LMO7: variants seen among roughly 807,000 people sequenced by gnomAD.
LMO7 encodes LIM domain 7, also known as LIM domain only protein 7.
Under a neutral mutation model 206.5 loss-of-function variants are expected in LMO7, and 120 were observed. The observed-to-expected ratio is 0.58, with a 90% CI of 0.50 to 0.68. LMO7 has a LOEUF of 0.68. Among genes scored for constraint, LMO7 ranks in the 30% least tolerant of loss-of-function variants. The probability of loss-of-function intolerance (pLI) is 0.00; values close to 1 mark genes in which losing one functional copy is unlikely to be tolerated. For synonymous variants in LMO7, 706 were observed against 681.5 expected (o/e 1.04, Z -0.56); for missense variants, 1,959 against 1,957.9 (o/e 1.00, Z -0.01).
intron 1 of LMO7, among the ~76,000 whole-genome samples, chr13:75,647,952 T>TTTCTTTC (rs1491543234): frequency 4.7e-3 from 25 of 5,318 alleles, no homozygotes; most frequent in Admixed American, 9.1e-3. Flanking sequence ...CTTTTCTTTC[T>TTTCTTTC]TTTTTTTTTT....
intron 1 of LMO7, among the ~76,000 whole-genome samples, chr13:75,667,577 ATT>A (rs1428702422): frequency 2.0e-5 from 3 of 150,700 alleles, no homozygotes; most frequent in African/African-American, 7.3e-5. Context: ...TAGCCACTTT[ATT>A]TTTCAGTTCT....
intron 1 of LMO7, among the ~76,000 whole-genome samples, chr13:75,704,086 G>A (rs1566328030): frequency 2.0e-5 from 3 of 152,168 alleles, no homozygotes; most frequent in East Asian, 1.9e-4. Flanking sequence ...TTTAATGAAC[G>A]GAGTAAAGAA....
chr13:75,704,536 T>C (rs2042515262), intron 1 of LMO7, among the ~76,000 whole-genome samples: 1 of 152,184 alleles, frequency 6.6e-6, no homozygotes, highest in Admixed American at 6.5e-5. Context: ...ATGTTTTTCT[T>C]TTTGCACAGG....
intron 1 of LMO7, among the ~76,000 whole-genome samples, chr13:75,680,875 T>G (rs2040425732): frequency 1.3e-5 from 2 of 152,210 alleles, no homozygotes; most frequent in Admixed American, 1.3e-4. Context: ...CCATTTTGAC[T>G]GGTATCTCAT....
intron 15 of LMO7, among the ~76,000 whole-genome samples, chr13:75,824,424 A>G (rs140260391): frequency 1.8e-4 from 27 of 152,292 alleles, no homozygotes; most frequent in African/African-American, 5.8e-4. Context: ...AAATGGGACT[A>G]TTGAGGCTTG....
At chr13:75,809,871 G>T (rs960933103) in intron 11 of LMO7, among the ~76,000 whole-genome samples, 3 of 129,568 alleles carry the variant, frequency 2.3e-5, no homozygotes, top group Non-Finnish European at 4.6e-5. Context: ...TCGCTCTGTC[G>T]CCCAGGCTGG....
At chr13:75,671,666 T>C (rs1340530496) in intron 1 of LMO7, among the ~76,000 whole-genome samples, 1 of 152,244 alleles carries the variant, frequency 6.6e-6, no homozygotes, top group Non-Finnish European at 1.5e-5. Context: ...AAATGAGAGC[T>C]AATTCTCCAA....
At chr13:75,788,245 G>A (rs1444463020) in intron 4 of LMO7, among the ~76,000 whole-genome samples, 2 of 151,962 alleles carry the variant, frequency 1.3e-5, no homozygotes, top group African/African-American at 2.4e-5. Context: ...TAAAAATGAG[G>A]TCAGGAGTTT....
intron 20 of LMO7, among the ~76,000 whole-genome samples, chr13:75,838,646 A>G (rs763852809): frequency 6.3e-4 from 96 of 152,182 alleles, no homozygotes; most frequent in Non-Finnish European, 5.1e-4. Context: ...AACACTGTTA[A>G]TAAAGAAGAG....
intron 15 of LMO7, among the ~76,000 whole-genome samples, chr13:75,828,953 C>G (rs576140234): frequency 1.3e-5 from 2 of 151,892 alleles, no homozygotes; most frequent in African/African-American, 2.4e-5. Flanking sequence ...AAAGAGGCCT[C>G]GAAGGAATCC....
chr13:75,785,534 A>T (rs776092293), intron 4 of LMO7, among the ~76,000 whole-genome samples: 17 of 152,182 alleles, frequency 1.1e-4, no homozygotes, highest in Admixed American at 3.9e-4. Context: ...CAACTAGAAA[A>T]CACTTCATTA....
chr13:75,779,975 G>C (rs577043173), intron 4 of LMO7, among the ~76,000 whole-genome samples: 18 of 152,280 alleles, frequency 1.2e-4, no homozygotes, highest in African/African-American at 3.9e-4. Context: ...GATGCCCCCT[G>C]AGCCGCAAAA....
intron 3 of LMO7, among the ~76,000 whole-genome samples, chr13:75,759,784 G>A (rs1594773438): frequency 6.6e-6 from 1 of 152,132 alleles, no homozygotes; most frequent in Non-Finnish European, 1.5e-5. Context: ...AACCCAAGCT[G>A]TAGAATTTAG....
chr13:75,646,960 C>G (rs929040121), intron 1 of LMO7, among the ~76,000 whole-genome samples: 4 of 152,292 alleles, frequency 2.6e-5, no homozygotes, highest in African/African-American at 9.6e-5. Flanking sequence ...TACGTCTTAG[C>G]TTAAATGATA....
chr13:75,700,941 A>T (rs1375558897), intron 1 of LMO7, among the ~76,000 whole-genome samples: 1 of 152,222 alleles, frequency 6.6e-6, no homozygotes, highest in African/African-American at 2.4e-5. Flanking sequence ...ATGGAAGCAG[A>T]CCACTGTACT....
At chr13:75,843,501 C>T (rs1274762161) in intron 25 of LMO7, among the ~76,000 whole-genome samples, 3 of 152,128 alleles carry the variant, frequency 2.0e-5, no homozygotes, top group African/African-American at 7.2e-5. Context: ...CCAACATAAT[C>T]TTCATTTTAA....
At chr13:75,681,730 A>ATATATATATATATATATATATG (rs1161298283) in intron 1 of LMO7, among the ~76,000 whole-genome samples, 2 of 130,320 alleles carry the variant, frequency 1.5e-5, no homozygotes, top group African/African-American at 5.6e-5. Flanking sequence ...ATATATATAT[A>ATATATATATATATATATATATG]TATATATATA....
At chr13:75,710,114 T>G (rs938890922) in intron 1 of LMO7, among the ~76,000 whole-genome samples, 3 of 152,312 alleles carry the variant, frequency 2.0e-5, no homozygotes, top group South Asian at 4.1e-4. Context: ...GTTGTAGATA[T>G]GCGGCATTAT....
intron 23 of LMO7, 65 bp from the exon 24 acceptor site, chr13:75,841,563 G>A (rs2059558786): frequency 4.4e-6 from 5 of 1,127,242 alleles, no homozygotes; most frequent in Admixed American, 2.3e-5. Context: ...GAATATATAT[G>A]TGTCTATATG....
Sources: gnomAD v4.1 joint callset for allele counts (sites outside exome capture counted in the v4.1 genomes callset) on GRCh38, gnomAD v4.1.1 for gene constraint, MANE v1.5 for transcripts, NCBI Gene and HGNC (gene_info 2026-07-23, HGNC 2026-07-21) for gene names.